SPTLC2: variants seen among roughly 807,000 people sequenced by gnomAD.
SPTLC2 encodes the protein serine palmitoyltransferase 2.
A neutral mutation model predicts 62.0 loss-of-function variants in SPTLC2; 21 were observed. The observed-to-expected ratio is 0.34, with a 90% CI of 0.24 to 0.49. The LOEUF is 0.49. SPTLC2 is among the 20% of genes least tolerant of loss of function. The probability of loss-of-function intolerance (pLI) is 0.99; values close to 1 mark genes in which losing one functional copy is unlikely to be tolerated. For synonymous variants in SPTLC2, 261 were observed against 261.8 expected, an observed-to-expected ratio of 1.00 and a Z score of 0.03; for missense variants, 511 against 713.0, an observed-to-expected ratio of 0.72 and a Z score of 3.23.
chr14:77,594,825 C>T (rs12897006), intron 2 of SPTLC2, among the ~76,000 whole-genome samples: 5,555 of 151,146 alleles, frequency 0.037, 146 homozygotes, highest in Non-Finnish European at 0.053. Flanking sequence ...TGCATCTACA[C>T]TAGGAGAGGT....
At chr14:77,575,315 T>C (rs2079708675) in intron 4 of SPTLC2, among the ~76,000 whole-genome samples, 1 of 152,222 alleles carries the variant, frequency 6.6e-6, no homozygotes, top group Admixed American at 6.5e-5. Flanking sequence ...GTCTTCATGT[T>C]GTTTTAAATT....
At chr14:77,610,789 T>TA (rs1466871940) in intron 1 of SPTLC2, among the ~76,000 whole-genome samples, 3 of 151,818 alleles carry the variant, frequency 2.0e-5, no homozygotes, top group Non-Finnish European at 2.9e-5. Context: ...CTCACACCTA[T>TA]AATCTCAGCA....
At chr14:77,595,127 G>C (rs916045065) in intron 2 of SPTLC2, among the ~76,000 whole-genome samples, 3 of 152,168 alleles carry the variant, frequency 2.0e-5, no homozygotes, top group Non-Finnish European at 4.4e-5. Context: ...ACTTTGGGAG[G>C]CCGAGGCAGG....
intron 1 of SPTLC2, among the ~76,000 whole-genome samples, chr14:77,599,426 C>T (rs945818712): frequency 6.6e-6 from 1 of 152,156 alleles, no homozygotes; most frequent in African/African-American, 2.4e-5. Flanking sequence ...AATTGTTATA[C>T]ATATCCAAGG....
chr14:77,515,696 C>G (rs746912317), intron 11 of SPTLC2, among the ~76,000 whole-genome samples: 11 of 151,416 alleles, frequency 7.3e-5, no homozygotes, highest in Non-Finnish European at 1.3e-4. Context: ...ATTACAGGTG[C>G]CCCCCACCAT....
At chr14:77,513,023 T>TTTTTC in intron 11 of SPTLC2, among the ~76,000 whole-genome samples, 1 of 134,580 alleles carries the variant, frequency 7.4e-6, no homozygotes, top group Non-Finnish European at 1.6e-5. Flanking sequence ...CAACTTTTTT[T>TTTTTC]TTTTTTTTTT....
Position 77,512,085 on chromosome 14 carries a change from G to C in SPTLC2, c.*199C>G. 1.5e-6 allele frequency: 1 copy of C among 673,948 alleles called. No individual in the cohort carries two copies. The highest frequency in any genetic ancestry group is 2.5e-6 in the Non-Finnish European group (1 of 404,076). The allele number at this position is 673,948 out of a possible 1,614,324, so 41.7% of individuals were successfully genotyped here. On this transcript the variant is annotated 3_prime_UTR_variant, in exon 12 of 12. Coordinates refer to ENST00000216484, the MANE Select transcript of SPTLC2 (RefSeq NM_004863.4). ...GAGTCACCTTCGTTTTTAAAGGTGAGATTTAGCAAAGGAAGGATTAGAAGC... is the reference window on the plus strand; with the variant it reads ...GAGTCACCTTCGTTTTTAAAGGTGACATTTAGCAAAGGAAGGATTAGAAGC...
chr14:77,535,343 A>G (rs971470817), intron 9 of SPTLC2, among the ~76,000 whole-genome samples: 2 of 152,168 alleles, frequency 1.3e-5, no homozygotes. Flanking sequence ...CAACAGACAG[A>G]TAGATCCCAA....
rs1028741474 is a variant in SPTLC2, at chr14:77,588,184, T to G, written c.327+9002A>C. On this transcript the variant is annotated intron_variant, in intron 2 of 11. Transcript: ENST00000216484. ...AACTCCTAACCTCAAACAATCCTCCTGCCTCAGTCTCCCAAACTGCTGGGA... is the reference window on the plus strand; with the variant it reads ...AACTCCTAACCTCAAACAATCCTCCGGCCTCAGTCTCCCAAACTGCTGGGA... Among the ~76,000 whole-genome samples the G allele has an allele frequency of 2.6e-5, 4 of 152,142 alleles. No individual in the cohort carries two copies. In the East Asian group the frequency reaches 7.7e-4, roughly 29 times the overall value.
intron 5 of SPTLC2, among the ~76,000 whole-genome samples, chr14:77,565,242 C>CAAAAAAAAAAAAAA (rs59356054): frequency 1.2e-4 from 4 of 33,692 alleles, no homozygotes; most frequent in Non-Finnish European, 1.5e-4. Context: ...AACTCCATCT[C>CAAAAAAAAAAAAAA]AAAAAAAAAA....
chr14:77,577,026 A>G, intron 3 of SPTLC2, 111 bp from the exon 4 acceptor site: 9 of 1,243,322 alleles, frequency 7.2e-6, no homozygotes, highest in Non-Finnish European at 1.0e-5. Flanking sequence ...AGTCTATATT[A>G]AAAAAATCTC....
Position 77,552,102 on chromosome 14 carries a change from T to A in SPTLC2, c.1297A>T (p.Ser433Cys), listed in dbSNP as rs2079558493. The A allele has an allele frequency of 1.2e-6, 2 of 1,614,016 alleles. No homozygotes were observed. Among genetic ancestry groups the A allele is most frequent in the South Asian group, 2.2e-5 (2 of 91,060 alleles). ...MKCIMGQDGT[S>C]LGKECVQQLA... Reference sequence around the variant, plus strand: ...CAAGAAAAGAAAGACTTACCAAGGCTGGTGCCATCCTGCCCCATGATGCAC... The same window carrying A: ...CAAGAAAAGAAAGACTTACCAAGGCAGGTGCCATCCTGCCCCATGATGCAC... Residue 433 changes from serine (S) to cysteine (C), a missense_variant, in exon 9 of 12, where the codon AGC (serine) becomes TGC (cysteine). Transcript: ENST00000216484.
intron 11 of SPTLC2, among the ~76,000 whole-genome samples, chr14:77,515,635 C>A (rs1009098209): frequency 1.3e-5 from 2 of 149,520 alleles, no homozygotes; most frequent in Non-Finnish European, 3.0e-5. Flanking sequence ...CTGCAACCTC[C>A]GCCTCCCAGA....
intron 9 of SPTLC2, chr14:77,536,104 T>C (rs2079468705): frequency 2.7e-6 from 1 of 370,986 alleles, no homozygotes; most frequent in Non-Finnish European, 5.2e-6. Context: ...GGAGCAAGTA[T>C]TTCTAGAGCC....
chr14:77,512,525 G>A, intron 11 of SPTLC2, 122 bp from the exon 12 acceptor site: 2 of 1,429,546 alleles, frequency 1.4e-6, no homozygotes, highest in African/African-American at 1.4e-5. Context: ...TATGTCTAGT[G>A]CATTTACAAG....
rs1053474719 is a variant in SPTLC2, at chr14:77,616,623, G to GCA, written c.-46_-45dup. ...CGCAAGGCAGGCTCTGTAGGCGGTG[G>GCA]CAGCGGCGGCGGCTGCTCCAAGTCC... On this transcript the variant is annotated 5_prime_UTR_variant, in exon 1 of 12. Transcript: ENST00000216484. 2.6e-5 allele frequency: 39 copies of GCA among 1,522,138 alleles called. No homozygotes were observed. Among genetic ancestry groups the GCA allele is most frequent in the Non-Finnish European group, 3.3e-5 (37 of 1,136,482 alleles). The allele number at this position is 1,522,138 out of a possible 1,614,324, so 94.3% of individuals were successfully genotyped here. A position where few individuals can be genotyped will look rare whatever the true frequency, so the allele number is the denominator to read the frequency against.
intron 4 of SPTLC2, among the ~76,000 whole-genome samples, chr14:77,573,736 T>C (rs2079697636): frequency 6.6e-6 from 1 of 152,078 alleles, no homozygotes; most frequent in African/African-American, 2.4e-5. Context: ...CAAGAGATTC[T>C]CGTGCCTCAG....
chr14:77,578,542 C>G (rs1408627738), intron 3 of SPTLC2, among the ~76,000 whole-genome samples: 1 of 151,904 alleles, frequency 6.6e-6, no homozygotes, highest in Non-Finnish European at 1.5e-5. Context: ...CATGGTGAAA[C>G]CCCATCTCTA....
chr14:77,534,721 T>C (rs905677799), intron 9 of SPTLC2, among the ~76,000 whole-genome samples: 1 of 151,734 alleles, frequency 6.6e-6, no homozygotes, highest in Admixed American at 6.6e-5. Flanking sequence ...TATTGTGCAC[T>C]AGGGAAGCAG....
Sources: gnomAD v4.1 joint callset for allele counts (sites outside exome capture counted in the v4.1 genomes callset) on GRCh38, gnomAD v4.1.1 for gene constraint, MANE v1.5 for transcripts, NCBI Gene and HGNC (gene_info 2026-07-23, HGNC 2026-07-21) for gene names.